CNTNAP5: variants seen among roughly 807,000 people sequenced by gnomAD.
The protein encoded by CNTNAP5 is contactin associated protein family member 5, also known as contactin-associated protein-like 5.
Under a neutral mutation model 150.2 loss-of-function variants are expected in CNTNAP5, and 72 were observed. The observed-to-expected ratio is 0.48, with a 90% CI of 0.40 to 0.58. The LOEUF (loss-of-function observed/expected upper bound fraction) is 0.58. Ranked by LOEUF, CNTNAP5 falls within the 20% of genes least tolerant of loss-of-function variation. CNTNAP5 has a pLI of 0.00. For missense variants in CNTNAP5, 1,636 were observed against 1,626.2 expected, an observed-to-expected ratio of 1.01 and a Z score of -0.10; for synonymous variants, 672 against 619.8, an observed-to-expected ratio of 1.08 and a Z score of -1.25.
chr2:124,626,288 T>C (rs1253580666), intron 12 of CNTNAP5, among the ~76,000 whole-genome samples: 2 of 152,098 alleles, frequency 1.3e-5, no homozygotes, highest in Non-Finnish European at 2.9e-5. Context: ...GGGGCCGAGA[T>C]GGCAGAAAAG....
intron 21 of CNTNAP5, among the ~76,000 whole-genome samples, chr2:124,871,009 G>A (rs1359248771): frequency 6.6e-6 from 1 of 152,072 alleles, no homozygotes; most frequent in Non-Finnish European, 1.5e-5. Flanking sequence ...TCCCCAAATA[G>A]CAGTTGGAAG....
intron 10 of CNTNAP5, 102 bp from the exon 11 acceptor site, chr2:124,563,115 T>A (rs1223648190): frequency 1.4e-6 from 1 of 695,854 alleles, no homozygotes; most frequent in South Asian, 1.7e-5. Context: ...CAAATCAATA[T>A]CTACTATTAA....
chr2:124,113,779 G>A (rs559337099), intron 1 of CNTNAP5, among the ~76,000 whole-genome samples: 9 of 151,636 alleles, frequency 5.9e-5, no homozygotes, highest in South Asian at 4.2e-4. Context: ...TTTCACATCC[G>A]TATTTATAAT....
chr2:124,376,163 T>C (rs1241372649), intron 3 of CNTNAP5, among the ~76,000 whole-genome samples: 1 of 152,066 alleles, frequency 6.6e-6, no homozygotes, highest in Non-Finnish European at 1.5e-5. Context: ...AAAGCAACCG[T>C]CTATACCAAT....
At chr2:124,706,785 GAAGAAGAAGA>G (rs1236544518) in intron 13 of CNTNAP5, among the ~76,000 whole-genome samples, 1 of 35,890 alleles carries the variant, frequency 2.8e-5, no homozygotes, top group Non-Finnish European at 5.4e-5. Flanking sequence ...AGAAGAAGAA[GAAGAAGAAGA>G]AGGAGGAGGA....
Position 124,527,339 on chromosome 2 carries a change from A to T in CNTNAP5, c.1532A>T (p.Gln511Leu). 6.2e-7 allele frequency: 1 copy of T among 1,613,772 alleles called. No individual in the cohort carries two copies. ...SQCLNPIKAF[Q>L]GCMRLIFIDN... ...TGTTTAAATCCCATTAAGGCTTTCC[A>T]AGGCTGCATGAGGCTCATCTTTATT... is the stretch of plus-strand genomic sequence containing the variant. Residue 511 changes from glutamine (Q) to leucine (L), a missense_variant, in exon 10 of 24, where the codon CAA becomes CTA. Physicochemically the swap from Gln to Leu is moderately radical, Grantham distance 113. Transcript: ENST00000682447.
intron 3 of CNTNAP5, among the ~76,000 whole-genome samples, chr2:124,400,063 G>A (rs533360118): frequency 9.7e-4 from 147 of 151,222 alleles, no homozygotes; most frequent in African/African-American, 3.3e-3. Context: ...TCAGATTCCC[G>A]AGGAGCACTA....
At chr2:124,746,959 T>C (rs1680615965) in intron 13 of CNTNAP5, among the ~76,000 whole-genome samples, 1 of 150,684 alleles carries the variant, frequency 6.6e-6, no homozygotes, top group Admixed American at 6.6e-5. Flanking sequence ...CACATATAGA[T>C]GTAGAAATAC....
chr2:124,661,826 A>G (rs1019730099), intron 13 of CNTNAP5, among the ~76,000 whole-genome samples: 2 of 151,928 alleles, frequency 1.3e-5, no homozygotes, highest in Admixed American at 6.6e-5. Context: ...TAGCTCCATT[A>G]TAATCTTTTA....
intron 5 of CNTNAP5, among the ~76,000 whole-genome samples, chr2:124,441,992 A>G (rs1692686026): frequency 1.4e-5 from 2 of 147,852 alleles, no homozygotes; most frequent in Admixed American, 1.3e-4. Context: ...GCATAAAATG[A>G]TAAGTGTGTT....
intron 1 of CNTNAP5, among the ~76,000 whole-genome samples, chr2:124,102,159 C>T (rs577464188): frequency 6.6e-6 from 1 of 152,134 alleles, no homozygotes; most frequent in African/African-American, 2.4e-5. Flanking sequence ...AAGTAAAATA[C>T]ATTGTATTTT....
chr2:124,495,765 G>C (rs1467376157), intron 7 of CNTNAP5, among the ~76,000 whole-genome samples: 1 of 152,090 alleles, frequency 6.6e-6, no homozygotes, highest in African/African-American at 2.4e-5. Context: ...CTTCTTTTCA[G>C]TACTTGTCCT....
chr2:124,068,553 C>T lies in CNTNAP5; in HGVS notation c.82+42821C>T, dbSNP rs538488061. Among the ~76,000 whole-genome samples, 8 of 152,102 alleles carry T rather than the reference C, an allele frequency of 5.3e-5. No individual in the cohort carries two copies. The South Asian group carries it at 1.2e-3, about 24-fold the overall frequency. ...ACACAGGAATGGCATTTCTTAGGCA[C>T]GTCCTGATGCTGTGCTGGTCTTAGA... On this transcript the variant is annotated intron_variant, in intron 1 of 23. Transcript: ENST00000682447.
At position 124,763,732 on chromosome 2, in the gene CNTNAP5, C is replaced by T. The variant is rs745337250; in HGVS notation, c.2295C>T (p.Ile765=). Residue 765 remains isoleucine (I), a synonymous_variant, in exon 15 of 24, where the codon ATC becomes ATT. Transcript: ENST00000682447. The part of the protein sequence containing the change: ...KDHLPVTQIV[I]TDTDRSNSEA... ...ACTTGCCTGTCACTCAGATAGTTAT[C>T]ACTGATACCGACAGATCAAACTCAG... The T allele has an allele frequency of 5.6e-6, 9 of 1,612,972 alleles. No homozygotes were observed. Among genetic ancestry groups the T allele is most frequent in the Non-Finnish European group, 7.6e-6 (9 of 1,179,388 alleles).
intron 13 of CNTNAP5, among the ~76,000 whole-genome samples, chr2:124,702,907 AC>A (rs1442264915): frequency 6.6e-6 from 1 of 152,110 alleles, no homozygotes; most frequent in Non-Finnish European, 1.5e-5. Flanking sequence ...CTATTTTAAG[AC>A]CAATCTGAAT....
chr2:124,090,911 C>T (rs995758595), intron 1 of CNTNAP5, among the ~76,000 whole-genome samples: 2 of 152,086 alleles, frequency 1.3e-5, no homozygotes, highest in Non-Finnish European at 2.9e-5. Flanking sequence ...GTGCTCTGTT[C>T]AATACATTAA....
At chr2:124,896,291 A>G (rs1678302976) in intron 21 of CNTNAP5, among the ~76,000 whole-genome samples, 1 of 151,554 alleles carries the variant, frequency 6.6e-6, no homozygotes, top group African/African-American at 2.4e-5. Flanking sequence ...ACACACACAT[A>G]CATGAATGTC....
At chr2:124,411,177 C>T (rs1691750860) in intron 3 of CNTNAP5, among the ~76,000 whole-genome samples, 3 of 152,058 alleles carry the variant, frequency 2.0e-5, no homozygotes, top group Admixed American at 2.0e-4. Flanking sequence ...AAGTCTAAAC[C>T]AGGAAGAAGT....
At chr2:124,786,364 A>AAAGAAAGAAAG (rs1558774991) in intron 17 of CNTNAP5, among the ~76,000 whole-genome samples, 3 of 61,174 alleles carry the variant, frequency 4.9e-5, no homozygotes, top group Non-Finnish European at 9.8e-5. Flanking sequence ...AGAAAGAAAG[A>AAAGAAAGAAAG]AAGAAAGAAA....
Sources: gnomAD v4.1 joint callset for allele counts (sites outside exome capture counted in the v4.1 genomes callset) on GRCh38, gnomAD v4.1.1 for gene constraint, MANE v1.5 for transcripts, NCBI Gene and HGNC (gene_info 2026-07-23, HGNC 2026-07-21) for gene names.